AKAP6: variants seen among roughly 807,000 people sequenced by gnomAD.
The protein encoded by AKAP6 is A-kinase anchor protein 6.
AKAP6 carries 58 observed loss-of-function variants against 188.5 expected under a neutral mutation model. That is an observed-to-expected ratio of 0.31 (90% CI 0.25 to 0.38). The LOEUF is 0.38. Ranked by LOEUF, AKAP6 falls within the 10% of genes least tolerant of loss-of-function variation. The pLI is 1.00. For missense variants in AKAP6, 2,710 were observed against 2,740.0 expected, an observed-to-expected ratio of 0.99 and a Z score of 0.24; for synonymous variants, 989 against 998.6, an observed-to-expected ratio of 0.99 and a Z score of 0.18.
intron 1 of AKAP6, among the ~76,000 whole-genome samples, chr14:32,413,192 T>C: frequency 6.7e-6 from 1 of 149,586 alleles, no homozygotes; most frequent in African/African-American, 2.5e-5. Flanking sequence ...TTTTTTTTTT[T>C]TTTTTTTTAG....
At chr14:32,426,501 G>A (rs139720248) in intron 1 of AKAP6, among the ~76,000 whole-genome samples, 16 of 152,194 alleles carry the variant, frequency 1.1e-4, no homozygotes, top group Admixed American at 2.0e-4. Flanking sequence ...TACCTTAATA[G>A]CATTGACAAA....
chr14:32,645,374 A>G lies in AKAP6; in HGVS notation c.2731-32937A>G, dbSNP rs111588832. On this transcript the variant is annotated intron_variant, in intron 7 of 13. Transcript: ENST00000280979. ...ATTTTCCCATCATTGCTGATTGTCA[A>G]TATATTTGTGGGTAAACAGACAATC... Among the ~76,000 whole-genome samples the G allele has an allele frequency of 5.1e-3, 778 of 152,312 alleles. 10 individuals carry two copies. The highest frequency in any genetic ancestry group is 0.017 in the African/African-American group (724 of 41,566).
chr14:32,505,081 A>C (rs1283427207), intron 2 of AKAP6, among the ~76,000 whole-genome samples: 1 of 152,222 alleles, frequency 6.6e-6, no homozygotes, highest in Non-Finnish European at 1.5e-5. Flanking sequence ...AGGAGCACTG[A>C]ATATTAGAAA....
Position 32,433,454 on chromosome 14 carries a change from T to G in AKAP6, c.-34-6T>G, listed in dbSNP as rs770909897. On this transcript the variant is annotated splice_polypyrimidine_tract_variant and splice_region_variant and intron_variant, in intron 1 of 13. Coordinates refer to ENST00000280979, the MANE Select transcript of AKAP6 (RefSeq NM_004274.5). ...TCTTGCTTTCTTCTTTCCTCTTGCC[T>G]TTCAGCTGTTTTGGAAAGAAGTGAG... The G allele has an allele frequency of 6.4e-7, 1 of 1,568,768 alleles. No homozygotes were observed. Among genetic ancestry groups the G allele is most frequent in the Non-Finnish European group, 8.7e-7 (1 of 1,146,236 alleles).
At chr14:32,734,133 G>A (rs937246324) in intron 10 of AKAP6, 1 of 152,086 alleles carries the variant, frequency 6.6e-6, no homozygotes, top group East Asian at 1.9e-4. Flanking sequence ...TTTGCAGTGA[G>A]AGAGTAGGGT....
Position 32,824,619 on chromosome 14 carries a change from A to C in AKAP6, c.6806A>C (p.Asn2269Thr), listed in dbSNP as rs541794850. Reference sequence around the variant, plus strand: ...GAATCTGGAATGCCAGAAGAACATAATGCTGCTTCAGCCAAATCTAAAGTT... The same window carrying C: ...GAATCTGGAATGCCAGAAGAACATACTGCTGCTTCAGCCAAATCTAAAGTT... ...PGESGMPEEH[N>T]AASAKSKVQD... Residue 2269 changes from asparagine to threonine, a missense_variant, in exon 13 of 14, where the codon AAT becomes ACT. Asn to Thr is a moderately conservative substitution (Grantham distance 65). Coordinates refer to ENST00000280979, the MANE Select transcript of AKAP6 (RefSeq NM_004274.5). 31 of 1,613,824 alleles carry C rather than the reference A, an allele frequency of 1.9e-5. No homozygotes were observed. In the South Asian group the frequency reaches 2.9e-4, roughly 15 times the overall value.
Position 32,593,868 on chromosome 14 carries a change from C to T in AKAP6, c.2470-5542C>T, listed in dbSNP as rs551335058. Reference sequence around the variant, plus strand: ...CAGCAGCATTTATGTTTTGGGGGGTCCTCTGTGGGAAGGCCTGTGCTGGGT... The same window carrying T: ...CAGCAGCATTTATGTTTTGGGGGGTTCTCTGTGGGAAGGCCTGTGCTGGGT... On this transcript the variant is annotated intron_variant, in intron 5 of 13. Coordinates refer to ENST00000280979, the MANE Select transcript of AKAP6 (RefSeq NM_004274.5). 3.3e-5 allele frequency among the ~76,000 whole-genome samples: 5 copies of T among 152,194 alleles called. No individual in the cohort carries two copies. In the East Asian group the frequency reaches 9.7e-4, roughly 29 times the overall value.
At chr14:32,526,276 A>G (rs1487333146) in intron 2 of AKAP6, among the ~76,000 whole-genome samples, 1 of 151,998 alleles carries the variant, frequency 6.6e-6, no homozygotes, top group Non-Finnish European at 1.5e-5. Flanking sequence ...CCTGTCGCCC[A>G]GGTTGGAGTG....
At chr14:32,423,903 C>T (rs59004359) in intron 1 of AKAP6, among the ~76,000 whole-genome samples, 9,504 of 152,154 alleles carry the variant, frequency 0.062, 368 homozygotes, top group African/African-American at 0.088. Context: ...TAATGGATAA[C>T]TAAAAATGGA....
rs532435436 is a variant in AKAP6 at position 32,456,187 on chromosome 14, A to G, written c.324+22370A>G. Among the ~76,000 whole-genome samples the G allele has an allele frequency of 3.3e-5, 5 of 152,316 alleles. 1 individual carries two copies. In the South Asian group the frequency reaches 1.0e-3, roughly 32 times the overall value. On this transcript the variant is annotated intron_variant, in intron 2 of 13. Coordinates refer to ENST00000280979, the MANE Select transcript of AKAP6 (RefSeq NM_004274.5). ...GTGCTAATACCGATGGGATCCATGG[A>G]AATTGGCCTAAATGTTTTCACGGTG...
chr14:32,773,784 A>T lies in AKAP6; in HGVS notation c.3479A>T (p.His1160Leu). 6.2e-7 allele frequency: 1 copy of T among 1,614,126 alleles called. No individual in the cohort carries two copies. The highest frequency in any genetic ancestry group is 1.1e-5 in the South Asian group (1 of 91,074). ...DRETCNLNAD[H>L]QPMQLIIVNL... ...GAGACTTGCAATCTGAATGCAGACC[A>T]CCAGCCCATGCAGCTGATCATTGTA... The change falls in exon 12 of 14, where the codon CAC (histidine) becomes CTC (leucine). Residue 1160 changes from histidine to leucine, a missense_variant. By Grantham distance (99) the His-to-Leu change is moderately conservative (BLOSUM62 -3). This residue lies in a region of AKAP6 where 2,473 missense variants were observed against 2,426.1 expected (regional missense o/e 1.02). Coordinates refer to ENST00000280979, the MANE Select transcript of AKAP6 (RefSeq NM_004274.5).
Position 32,831,481 on chromosome 14 carries a change from ATGT to A in AKAP6, c.*1680_*1682del, listed in dbSNP as rs1389816117. On this transcript the variant is annotated 3_prime_UTR_variant, in exon 14 of 14. Transcript: ENST00000280979. Reference sequence around the variant, plus strand: ...ATATCAAATTTCTAAAAGGTAAAGAATGTTGTGGGTTCATGCAGTCACAGGAAT... The same window carrying A: ...ATATCAAATTTCTAAAAGGTAAAGAATGTGGGTTCATGCAGTCACAGGAAT... The A allele has an allele frequency of 6.6e-6, 1 of 152,208 alleles. No individual in the cohort carries two copies. The highest frequency in any genetic ancestry group is 1.5e-5 in the Non-Finnish European group (1 of 68,038). 9.4% of individuals were successfully genotyped at this position (152,208 alleles called of 1,614,324 possible).
intron 1 of AKAP6, among the ~76,000 whole-genome samples, chr14:32,370,948 T>G (rs1213433153): frequency 6.6e-6 from 1 of 152,190 alleles, no homozygotes; most frequent in Admixed American, 6.5e-5. Context: ...TTCCTGAAGG[T>G]GCAGAACTGA....
chr14:32,583,517 G>A (rs1483422204), intron 5 of AKAP6, among the ~76,000 whole-genome samples: 3 of 152,304 alleles, frequency 2.0e-5, no homozygotes, highest in African/African-American at 7.2e-5. Context: ...GTCAGACAGG[G>A]ACATTTAAGT....
chr14:32,746,181 C>A (rs1402000108), intron 11 of AKAP6, among the ~76,000 whole-genome samples: 1 of 152,088 alleles, frequency 6.6e-6, no homozygotes, highest in East Asian at 1.9e-4. Flanking sequence ...AAGCTGATAT[C>A]TAAGATGCGA....
chr14:32,682,129 A>G (rs1173632184), intron 8 of AKAP6, among the ~76,000 whole-genome samples: 1 of 152,168 alleles, frequency 6.6e-6, no homozygotes. Context: ...TGTCAAGTAG[A>G]ATTAGAGCAG....
chr14:32,501,695 C>G (rs1358997403), intron 2 of AKAP6, among the ~76,000 whole-genome samples: 1 of 152,154 alleles, frequency 6.6e-6, no homozygotes, highest in East Asian at 1.9e-4. Context: ...AACTGACACT[C>G]TTGTTAATGA....
intron 5 of AKAP6, among the ~76,000 whole-genome samples, chr14:32,593,734 T>C (rs1885577640): frequency 6.6e-6 from 1 of 152,098 alleles, no homozygotes; most frequent in South Asian, 2.1e-4. Flanking sequence ...AATAAGGAAA[T>C]AGAAGCCACG....
intron 9 of AKAP6, among the ~76,000 whole-genome samples, chr14:32,707,449 GC>G (rs1890855529): frequency 6.6e-6 from 1 of 152,014 alleles, no homozygotes; most frequent in African/African-American, 2.4e-5. Flanking sequence ...GGATTATTCA[GC>G]TGTGAATACT....
Sources: gnomAD v4.1 joint callset for allele counts (sites outside exome capture counted in the v4.1 genomes callset) on GRCh38, gnomAD v4.1.1 for gene constraint, gnomAD v4.1.1 regional missense constraint, MANE v1.5 for transcripts, NCBI Gene and HGNC (gene_info 2026-07-23, HGNC 2026-07-21) for gene names.